Variants in MGMT observed in about 807,000 individuals in gnomAD.
MGMT encodes the protein O-6-methylguanine-DNA methyltransferase, also known as methylated-DNA--protein-cysteine methyltransferase.
In MGMT, 14 loss-of-function variants were observed where a neutral mutation model predicts 15.9. That is an observed-to-expected ratio of 0.88 (90% CI 0.58 to 1.37). The LOEUF (loss-of-function observed/expected upper bound fraction) is 1.37, where lower values mean the gene tolerates loss of function less well. Among genes scored for constraint, MGMT ranks in the 40% most tolerant of loss-of-function variants. MGMT has a pLI of 0.00. For missense variants in MGMT, 282 were observed against 268.1 expected, an observed-to-expected ratio of 1.05 and a Z score of -0.36; for synonymous variants, 130 against 118.2, an observed-to-expected ratio of 1.10 and a Z score of -0.65.
chr10:129,766,371 G>A (rs921631697), intron 4 of MGMT, among the ~76,000 whole-genome samples: 9 of 152,328 alleles, frequency 5.9e-5, no homozygotes, highest in Admixed American at 2.6e-4. Flanking sequence ...TCTCTGATGC[G>A]TCCTGTGATG....
intron 2 of MGMT, among the ~76,000 whole-genome samples, chr10:129,638,240 AG>A (rs1281836641): frequency 2.0e-5 from 3 of 152,088 alleles, no homozygotes; most frequent in African/African-American, 7.2e-5. Flanking sequence ...TGAAGTGGAG[AG>A]GTGGGCTACT....
At chr10:129,673,301 A>T (rs990055616) in intron 2 of MGMT, among the ~76,000 whole-genome samples, 1 of 152,140 alleles carries the variant, frequency 6.6e-6, no homozygotes, top group Admixed American at 6.5e-5. Flanking sequence ...TAAAAAAAAA[A>T]ATCATGTTAT....
rs1255409337 is a variant in MGMT, at chr10:129,566,775, C to CAGCTCTGCCT, written c.125+30398_125+30399insAGCTCTGCCT. Among the ~76,000 whole-genome samples the CAGCTCTGCCT allele has an allele frequency of 8.5e-5, 13 of 152,114 alleles. No individual in the cohort carries two copies. Among genetic ancestry groups the CAGCTCTGCCT allele is most frequent in the Non-Finnish European group, 1.8e-4 (12 of 68,038 alleles). On this transcript the variant is annotated intron_variant, in intron 2 of 4. Transcript: ENST00000651593. This position sits in a 1 kb window ranked among gnomAD's most constrained non-coding sequence, Gnocchi z 4.1. Reference sequence around the variant, plus strand: ...GTATTCCTCAGCTCTGCCCCAGGGTCCCTCTGATTCCACGGAGGAGCTGCG... The same window carrying CAGCTCTGCCT: ...GTATTCCTCAGCTCTGCCCCAGGGTCAGCTCTGCCTCCTCTGATTCCACGGAGGAGCTGCG...
At chr10:129,594,134 T>A (rs965200267) in intron 2 of MGMT, among the ~76,000 whole-genome samples, 7 of 152,210 alleles carry the variant, frequency 4.6e-5, no homozygotes, top group Admixed American at 6.5e-5. Context: ...CTGAGGCCTC[T>A]GCCTTTCTGT....
chr10:129,662,513 A>G (rs959251203), intron 2 of MGMT, among the ~76,000 whole-genome samples: 1 of 152,176 alleles, frequency 6.6e-6, no homozygotes, highest in African/African-American at 2.4e-5. Flanking sequence ...AACCTAAAAG[A>G]AAAAGCAAAG....
At chr10:129,521,456 C>T (rs1845809502) in intron 1 of MGMT, among the ~76,000 whole-genome samples, 1 of 152,304 alleles carries the variant, frequency 6.6e-6, no homozygotes, top group Middle Eastern at 3.4e-3. Context: ...GAAGGGACTT[C>T]AGTGACCTCA....
chr10:129,561,280 G>A lies in MGMT; in HGVS notation c.125+24903G>A, dbSNP rs141665631. On this transcript the variant is annotated intron_variant, in intron 2 of 4. Coordinates refer to ENST00000651593, the MANE Select transcript of MGMT (RefSeq NM_002412.5). ...ACGATGGGGAAGGCCCTTGGGATTC[G>A]CTCTGTGGGTGCGGGCAGCGACAGG... 7.2e-5 allele frequency among the ~76,000 whole-genome samples: 11 copies of A among 152,252 alleles called. No homozygotes were observed. The South Asian group carries it at 1.0e-3, about 14-fold the overall frequency.
intron 2 of MGMT, among the ~76,000 whole-genome samples, chr10:129,573,544 GT>G (rs1006655435): frequency 5.9e-5 from 9 of 151,740 alleles, no homozygotes; most frequent in Non-Finnish European, 1.2e-4. Context: ...AATCATATAT[GT>G]TTATTTCCTT....
intron 2 of MGMT, among the ~76,000 whole-genome samples, chr10:129,693,006 T>G (rs893702466): frequency 8.5e-5 from 13 of 152,236 alleles, no homozygotes; most frequent in Non-Finnish European, 1.9e-4. Flanking sequence ...TGTCACTCAG[T>G]CTTTATCCAG....
rs952807239 is a variant in MGMT, at chr10:129,659,360, A to G, written c.126-48535A>G. Among the ~76,000 whole-genome samples, 9 of 141,424 alleles carry G rather than the reference A, an allele frequency of 6.4e-5. No homozygotes were observed. Among genetic ancestry groups the G allele is most frequent in the Non-Finnish European group, 1.1e-4 (7 of 64,898 alleles). The allele number at this position is 141,424 out of a possible 152,430, so 92.8% of individuals were successfully genotyped here. A position where few individuals can be genotyped will look rare whatever the true frequency, so the allele number is the denominator to read the frequency against. ...TGGCAGAGCGAGACTCCCTGTGTGG[A>G]AAAAAAAAAAAAAGATACTCAGATG... On this transcript the variant is annotated intron_variant, in intron 2 of 4. Transcript: ENST00000651593. This position sits in a 1 kb window ranked among gnomAD's most constrained non-coding sequence, Gnocchi z 4.1.
chr10:129,588,907 G>A (rs1846648525), intron 2 of MGMT, among the ~76,000 whole-genome samples: 1 of 152,256 alleles, frequency 6.6e-6, no homozygotes, highest in Non-Finnish European at 1.5e-5. Flanking sequence ...AGGACAACTA[G>A]GAGAAACTCG....
chr10:129,639,651 A>G (rs1490379693), intron 2 of MGMT, among the ~76,000 whole-genome samples: 1 of 152,210 alleles, frequency 6.6e-6, no homozygotes. Flanking sequence ...ACATGAAAGC[A>G]CAACCTATCA....
intron 2 of MGMT, among the ~76,000 whole-genome samples, chr10:129,559,279 T>A (rs1404755832): frequency 6.6e-6 from 1 of 152,228 alleles, no homozygotes; most frequent in African/African-American, 2.4e-5. Flanking sequence ...TTTTTTCAAA[T>A]ATTTAATAAG....
intron 2 of MGMT, among the ~76,000 whole-genome samples, chr10:129,594,587 C>G (rs1223244460): frequency 6.6e-6 from 1 of 152,166 alleles, no homozygotes; most frequent in East Asian, 1.9e-4. Context: ...ACCATTGGGT[C>G]TCACAGCTTT....
intron 2 of MGMT, among the ~76,000 whole-genome samples, chr10:129,646,945 C>T (rs530248813): frequency 5.3e-5 from 8 of 151,214 alleles, no homozygotes; most frequent in Non-Finnish European, 8.8e-5. Context: ...CCCTCTGGCC[C>T]GTCTCGCATC....
chr10:129,480,370 A>G (rs1311307931), intron 1 of MGMT, among the ~76,000 whole-genome samples: 1 of 152,226 alleles, frequency 6.6e-6, no homozygotes, highest in East Asian at 1.9e-4. Context: ...ATCCACAGGT[A>G]TGCCTTGCAC....
rs567366790 is a variant in MGMT at position 129,554,523 on chromosome 10, ATG to A, written c.125+18148_125+18149del. On this transcript the variant is annotated intron_variant, in intron 2 of 4. Coordinates refer to ENST00000651593, the MANE Select transcript of MGMT (RefSeq NM_002412.5). ...ACTGTCTATGTCCTGGTGAACCTCTATGTTTTTGTTTCTGTTTACTGGGCTGC... is the reference window on the plus strand; with the variant it reads ...ACTGTCTATGTCCTGGTGAACCTCTATTTTTGTTTCTGTTTACTGGGCTGC... Among the ~76,000 whole-genome samples, 381 of 152,056 alleles carry A rather than the reference ATG, an allele frequency of 2.5e-3. 3 individuals carry two copies. The highest frequency in any genetic ancestry group is 8.9e-3 in the African/African-American group (368 of 41,474).
At chr10:129,493,643 A>G (rs918779997) in intron 1 of MGMT, among the ~76,000 whole-genome samples, 2 of 152,182 alleles carry the variant, frequency 1.3e-5, no homozygotes, top group African/African-American at 4.8e-5. Flanking sequence ...GTTCATCCCA[A>G]TATGGATTCC....
At chr10:129,500,118 T>C (rs1003453532) in intron 1 of MGMT, among the ~76,000 whole-genome samples, 9 of 152,222 alleles carry the variant, frequency 5.9e-5, no homozygotes, top group African/African-American at 2.2e-4. Context: ...TGGACTCACA[T>C]TATAAATCTT....
Sources: gnomAD v4.1 joint callset for allele counts (sites outside exome capture counted in the v4.1 genomes callset) on GRCh38, gnomAD v4.1.1 for gene constraint, Gnocchi (gnomAD v3.1) non-coding constraint, MANE v1.5 for transcripts, NCBI Gene and HGNC (gene_info 2026-07-23, HGNC 2026-07-21) for gene names.